C3orf38: variants seen among roughly 807,000 people sequenced by gnomAD.
The protein encoded by C3orf38 is chromosome 3 open reading frame 38, also known as uncharacterized protein C3orf38.
C3orf38 carries 18 observed loss-of-function variants against 28.3 expected under a neutral mutation model. That is an observed-to-expected ratio of 0.64 (90% CI 0.44 to 0.94). C3orf38 has a LOEUF of 0.94. Among genes scored for constraint, C3orf38 ranks in the 40% least tolerant of loss-of-function variants. C3orf38 has a pLI of 0.00. For synonymous variants in C3orf38, 145 were observed against 138.1 expected (o/e 1.05, Z -0.35); for missense variants, 364 against 396.4 (o/e 0.92, Z 0.69).
intron 1 of C3orf38, chr3:88,151,003 G>T (rs956830190): frequency 2.0e-5 from 3 of 152,102 alleles, no homozygotes; most frequent in African/African-American, 4.8e-5. Flanking sequence ...AATTAAGACC[G>T]AAAATAGCTT....
chr3:88,154,454 A>G (rs1707454568), intron 2 of C3orf38, among the ~76,000 whole-genome samples: 1 of 151,368 alleles, frequency 6.6e-6, no homozygotes, highest in Admixed American at 6.6e-5. Flanking sequence ...TCTTTATATT[A>G]TCTCCACTGT....
chr3:88,153,005 T>C (rs1008557382), intron 1 of C3orf38, among the ~76,000 whole-genome samples: 2 of 152,160 alleles, frequency 1.3e-5, no homozygotes, highest in African/African-American at 4.8e-5. Flanking sequence ...CTATCACTTA[T>C]GGGAAGTGAA....
intron 1 of C3orf38, 33 bp downstream of exon 1, chr3:88,150,218 G>A (rs1707386897): frequency 1.2e-6 from 2 of 1,610,270 alleles, no homozygotes; most frequent in Non-Finnish European, 1.7e-6. Context: ...GAAGGCTGCC[G>A]CCCCTTCCCC....
Position 88,157,792 on chromosome 3 carries a change from T to A in C3orf38, c.*1157T>A, listed in dbSNP as rs949237207. ...GGGAAATGTGATGACGTATTGTACA[T>A]GTTACTTTTTCCTTTGCTATAATCA... On this transcript the variant is annotated 3_prime_UTR_variant, in exon 3 of 3. Transcript: ENST00000318887. 2 of 152,160 alleles carry A rather than the reference T, an allele frequency of 1.3e-5. No homozygotes were observed. The highest frequency in any genetic ancestry group is 1.5e-5 in the Non-Finnish European group (1 of 68,002). 9.4% of individuals were successfully genotyped at this position (152,160 alleles called of 1,614,324 possible).
rs545373957 is a variant in C3orf38, at chr3:88,156,761, A to C, written c.*126A>C. 22 of 945,830 alleles carry C rather than the reference A, an allele frequency of 2.3e-5. No homozygotes were observed. The highest frequency in any genetic ancestry group is 1.3e-4 in the African/African-American group (8 of 61,188). 58.6% of individuals were successfully genotyped at this position (945,830 alleles called of 1,614,324 possible). Reference sequence around the variant, plus strand: ...AACTCTTCCAAATACTATATCAGTAATGTCTGAATGATTTCAGATGTGAAA... The same window carrying C: ...AACTCTTCCAAATACTATATCAGTACTGTCTGAATGATTTCAGATGTGAAA... On this transcript the variant is annotated 3_prime_UTR_variant, in exon 3 of 3. Coordinates refer to ENST00000318887, the MANE Select transcript of C3orf38 (RefSeq NM_173824.4).
intron 2 of C3orf38, among the ~76,000 whole-genome samples, chr3:88,155,461 AT>A (rs766206253): frequency 0.062 from 3,019 of 48,754 alleles, 91 homozygotes; most frequent in African/African-American, 0.13. Context: ...GTTCATACTG[AT>A]TTTTTTTTTT....
Position 88,156,489 on chromosome 3 carries a change from G to T in C3orf38, c.844G>T (p.Ala282Ser). Residue 282 changes from alanine (A) to serine (S), a missense_variant, in exon 3 of 3, where the codon GCT becomes TCT. Transcript: ENST00000318887. Reference protein sequence around the residue: ...NLKIMGESSLAPGTLPKPSVK... With the variant: ...NLKIMGESSLSPGTLPKPSVK... ...GAAAATTATGGGAGAGAGTTCCCTT[G>T]CTCCTGGAACATTACCGAAACCATC... The T allele has an allele frequency of 6.2e-7, 1 of 1,614,108 alleles. No homozygotes were observed. Among genetic ancestry groups the T allele is most frequent in the Non-Finnish European group, 8.5e-7 (1 of 1,180,014 alleles).
In C3orf38 at chr3:88,156,286, G is replaced by T; in HGVS notation, c.641G>T (p.Ser214Ile). Residue 214 changes from serine (S) to isoleucine (I), a missense_variant, in exon 3 of 3, where the codon AGC (serine) becomes ATC (isoleucine). Transcript: ENST00000318887. ...GTAAAAGAAGAATTTCTTTTTCTCA[G>T]CCCCAACCTAGATTCACATGGACTG... Reference protein sequence around the residue: ...SLVKEEFLFLSPNLDSHGLKC... With the variant: ...SLVKEEFLFLIPNLDSHGLKC... 1 of 1,614,176 alleles carries T rather than the reference G, an allele frequency of 6.2e-7. No individual in the cohort carries two copies. Among genetic ancestry groups the T allele is most frequent in the Non-Finnish European group, 8.5e-7 (1 of 1,180,036 alleles).
In C3orf38 at chr3:88,156,857, C is replaced by G. The variant is rs1707486580; in HGVS notation, c.*222C>G. On this transcript the variant is annotated 3_prime_UTR_variant, in exon 3 of 3. Transcript: ENST00000318887. ...ATATCATGTGAATACTTACCTATTT[C>G]TACCCGAGTTGCAGCAAGTATTCTG... 9 of 466,234 alleles carry G rather than the reference C, an allele frequency of 1.9e-5. No individual in the cohort carries two copies. In the Admixed American group the frequency reaches 3.5e-4, roughly 18 times the overall value. The allele number at this position is 466,234 out of a possible 1,614,324, so 28.9% of individuals were successfully genotyped here. A position where few individuals can be genotyped will look rare whatever the true frequency, so the allele number is the denominator to read the frequency against.
chr3:88,150,903 T>C (rs1707402068), intron 1 of C3orf38: 1 of 152,144 alleles, frequency 6.6e-6, no homozygotes, highest in East Asian at 1.9e-4. Context: ...TAAAACTGGG[T>C]TTTTCTGCTT....
Position 88,150,124 on chromosome 3 carries a change from C to A in C3orf38, c.72C>A (p.Asp24Glu). The change falls in exon 1 of 3, where the codon GAC (aspartate) becomes GAA (glutamate). Residue 24 changes from aspartate (D) to glutamate (E), a missense_variant. Physicochemically the swap from Asp to Glu is conservative, Grantham distance 45. Transcript: ENST00000318887. ...ACCTACTTGGCCTACTGGACAACGA[C>A]GAGATCATGGCCCTATGCGACACTG... ...CRNLLGLLDN[D>E]EIMALCDTVT... is the part of the protein sequence containing the mutation. The A allele has an allele frequency of 6.2e-7, 1 of 1,614,194 alleles. No homozygotes were observed. The highest frequency in any genetic ancestry group is 1.1e-5 in the South Asian group (1 of 91,086).
intron 1 of C3orf38, among the ~76,000 whole-genome samples, chr3:88,152,768 AAAAAG>A (rs1307072250): frequency 2.6e-5 from 4 of 152,164 alleles, no homozygotes; most frequent in Non-Finnish European, 5.9e-5. Context: ...AAAAAAAAAA[AAAAAG>A]AAATACAATC....
Position 88,153,357 on chromosome 3 carries a change from A to C in C3orf38, c.261A>C (p.Glu87Asp). The change falls in exon 2 of 3, where the codon GAA becomes GAC. Residue 87 changes from glutamate (E) to aspartate (D), a missense_variant. By Grantham distance (45) the Glu-to-Asp change is conservative. Coordinates refer to ENST00000318887, the MANE Select transcript of C3orf38 (RefSeq NM_173824.4). ...TQGIVIPPATEKHNLIQHAKD... is the reference protein window; with the variant it reads ...TQGIVIPPATDKHNLIQHAKD... ...GGATTGTTATACCTCCAGCTACTGAAAAACACAATCTTATTCAGCATGCAA... is the reference window on the plus strand; with the variant it reads ...GGATTGTTATACCTCCAGCTACTGACAAACACAATCTTATTCAGCATGCAA... 1.2e-6 allele frequency: 2 copies of C among 1,614,118 alleles called. No individual in the cohort carries two copies. The highest frequency in any genetic ancestry group is 8.5e-7 in the Non-Finnish European group (1 of 1,180,022).
In C3orf38 at chr3:88,156,183, T is replaced by A. The variant is rs1381541070; in HGVS notation, c.538T>A (p.Phe180Ile). The change falls in exon 3 of 3, where the codon TTT (phenylalanine) becomes ATT (isoleucine). Residue 180 changes from phenylalanine (F) to isoleucine (I), a missense_variant. By Grantham distance (21) the Phe-to-Ile change is conservative (BLOSUM62 0). Coordinates refer to ENST00000318887, the MANE Select transcript of C3orf38 (RefSeq NM_173824.4). ...QHFWHDVKLRFYYNTSEQNVM... is the reference protein window; with the variant it reads ...QHFWHDVKLRIYYNTSEQNVM... Reference sequence around the variant, plus strand: ...CTTCTGGCATGATGTGAAGCTTAGGTTTTATTACAACACATCAGAACAAAA... The same window carrying A: ...CTTCTGGCATGATGTGAAGCTTAGGATTTATTACAACACATCAGAACAAAA... 1 of 1,613,732 alleles carries A rather than the reference T, an allele frequency of 6.2e-7. No homozygotes were observed. The highest frequency in any genetic ancestry group is 1.3e-5 in the African/African-American group (1 of 74,902).
At chr3:88,151,567 T>G (rs983017105) in intron 1 of C3orf38, among the ~76,000 whole-genome samples, 2 of 152,194 alleles carry the variant, frequency 1.3e-5, no homozygotes, top group Non-Finnish European at 2.9e-5. Context: ...AAATTCTGCT[T>G]CTAACAAGCT....
intron 2 of C3orf38, among the ~76,000 whole-genome samples, chr3:88,154,962 C>A (rs1187383243): frequency 6.6e-6 from 1 of 151,890 alleles, no homozygotes; most frequent in Non-Finnish European, 1.5e-5. Flanking sequence ...TGGGTTCAAG[C>A]ACTTCTCCTG....
At position 88,153,279 on chromosome 3, in the gene C3orf38, G is replaced by A. The variant is rs1286566346; in HGVS notation, c.183G>A (p.Leu61=). 6.2e-7 allele frequency: 1 copy of A among 1,613,082 alleles called. No individual in the cohort carries two copies. Among genetic ancestry groups the A allele is most frequent in the East Asian group, 2.2e-5 (1 of 44,810 alleles). Residue 61 remains leucine, a synonymous_variant, in exon 2 of 3, where the codon CTG becomes CTA. Transcript: ENST00000318887. The stretch of plus-strand genomic sequence containing the variant: ...ACAGTCAAAGTGCAGAAGAACTTCT[G>A]AGGCGTAGAAAAGTCCACCGAGAAG... The part of the protein sequence containing the change: ...LAYSQSAEEL[L]RRRKVHREVI...
At chr3:88,150,474 A>G (rs969289796) in intron 1 of C3orf38, 13 of 241,860 alleles carry the variant, frequency 5.4e-5, no homozygotes, top group Non-Finnish European at 8.0e-5. Flanking sequence ...GGGAGCCAGA[A>G]TGTTTTGCAT....
rs746182184 is a variant in C3orf38 at position 88,156,223 on chromosome 3, A to G, written c.578A>G (p.His193Arg). 2.5e-6 allele frequency: 4 copies of G among 1,614,012 alleles called. No homozygotes were observed. The African/African-American group carries it at 4.0e-5, about 16-fold the overall frequency. The change falls in exon 3 of 3, where the codon CAT becomes CGT. Residue 193 changes from histidine (H) to arginine (R), a missense_variant. His to Arg is a conservative substitution (Grantham distance 29). Transcript: ENST00000318887. Reference sequence around the variant, plus strand: ...TCAGAACAAAATGTTATGGACTACCATGGAGCAGAAATCGTGAGCCTTCGT... The same window carrying G: ...TCAGAACAAAATGTTATGGACTACCGTGGAGCAGAAATCGTGAGCCTTCGT... The part of the protein sequence containing the change: ...NTSEQNVMDY[H>R]GAEIVSLRLL...
Sources: allele counts gnomAD v4.1 joint callset (sites outside exome capture counted in the v4.1 genomes callset), GRCh38; gene constraint gnomAD v4.1.1; transcripts MANE v1.5; gene names NCBI Gene and HGNC (gene_info 2026-07-23, HGNC 2026-07-21).